Variants in TTC29 observed in about 807,000 individuals in gnomAD.
TTC29 encodes tetratricopeptide repeat protein 29.
TTC29 carries 49 observed loss-of-function variants against 58.1 expected under a neutral mutation model. That is an observed-to-expected ratio of 0.84 (90% confidence interval 0.67 to 1.07). The LOEUF is 1.07. TTC29 is among the 50% of genes least tolerant of loss of function. The pLI, the probability that TTC29 is intolerant of heterozygous loss-of-function variation, is 0.00. For missense variants in TTC29, 582 were observed against 555.6 expected (o/e 1.05, Z -0.48); for synonymous variants, 209 against 196.8 (o/e 1.06, Z -0.52).
At chr4:146,931,276 C>T (rs571482348) in intron 4 of TTC29, among the ~76,000 whole-genome samples, 3 of 151,722 alleles carry the variant, frequency 2.0e-5, no homozygotes, top group African/African-American at 4.8e-5. Flanking sequence ...ATACTTAGTA[C>T]GAAGCAAAAG....
In TTC29 at chr4:146,897,314, G is replaced by A. The variant is rs1357201145; in HGVS notation, c.586+6230C>T. ...CAGCTTCTCAGAAAAGAAGATGGACGCTAGCAAAGCTCCATAGAAACTAGT... is the reference window on the plus strand; with the variant it reads ...CAGCTTCTCAGAAAAGAAGATGGACACTAGCAAAGCTCCATAGAAACTAGT... On this transcript the variant is annotated intron_variant, in intron 6 of 12. Coordinates refer to ENST00000325106, the MANE Select transcript of TTC29 (RefSeq NM_031956.4). Among the ~76,000 whole-genome samples the A allele has an allele frequency of 3.3e-5, 5 of 152,126 alleles. No homozygotes were observed. In the East Asian group the frequency reaches 5.8e-4, roughly 18 times the overall value.
chr4:146,904,595 C>T (rs962904804), intron 5 of TTC29, among the ~76,000 whole-genome samples: 7 of 152,090 alleles, frequency 4.6e-5, no homozygotes, highest in Non-Finnish European at 1.0e-4. Context: ...TGAATATGAA[C>T]AAATTCATAA....
At chr4:146,797,832 T>TATATATA (rs1749928101) in intron 11 of TTC29, among the ~76,000 whole-genome samples, 1 of 130,036 alleles carries the variant, frequency 7.7e-6, no homozygotes, top group African/African-American at 2.9e-5. Flanking sequence ...TTACTTTGTT[T>TATATATA]TATATATATA....
chr4:146,728,116 G>A (rs1051285261), intron 11 of TTC29, among the ~76,000 whole-genome samples: 4 of 151,778 alleles, frequency 2.6e-5, no homozygotes, highest in Admixed American at 2.6e-4. Context: ...GCAAAACCCT[G>A]TCTCTACTAA....
chr4:146,849,799 C>A (rs1274863368), intron 8 of TTC29, among the ~76,000 whole-genome samples: 1 of 152,150 alleles, frequency 6.6e-6, no homozygotes, highest in Non-Finnish European at 1.5e-5. Context: ...CACACTGCCA[C>A]CTTAAGGCTT....
chr4:146,737,929 C>A (rs1477413988), intron 11 of TTC29, among the ~76,000 whole-genome samples: 1 of 152,118 alleles, frequency 6.6e-6, no homozygotes, highest in African/African-American at 2.4e-5. Context: ...GAAACTGTCC[C>A]TATGTTTTTA....
Position 146,708,308 on chromosome 4 carries a change from TTATATATATA to T in TTC29, c.1331-767_1331-758del, listed in dbSNP as rs59963230. 1.2e-3 allele frequency among the ~76,000 whole-genome samples: 73 copies of T among 62,196 alleles called. 1 individual carries two copies. Among genetic ancestry groups the T allele is most frequent in the African/African-American group, 3.8e-3 (41 of 10,772 alleles). 40.8% of individuals were successfully genotyped at this position (62,196 alleles called of 152,430 possible). A position where few individuals can be genotyped will look rare whatever the true frequency, so the allele number is the denominator to read the frequency against. ...AATAATGAAGTCAAATATGGGAAGT[TTATATATATA>T]TATATATATATATATATATATATAT... On this transcript the variant is annotated intron_variant, in intron 11 of 12. Coordinates refer to ENST00000325106, the MANE Select transcript of TTC29 (RefSeq NM_031956.4).
chr4:146,756,366 C>G (rs17021909), intron 11 of TTC29, among the ~76,000 whole-genome samples: 11,814 of 151,850 alleles, frequency 0.078, 576 homozygotes, highest in Admixed American at 0.13. Flanking sequence ...GCATTACATC[C>G]ATGAAGTTCA....
intron 6 of TTC29, among the ~76,000 whole-genome samples, chr4:146,876,553 G>A (rs560863569): frequency 6.6e-6 from 1 of 152,262 alleles, no homozygotes; most frequent in South Asian, 2.1e-4. Context: ...ACCAGAATGA[G>A]TATTAAAGAA....
At chr4:146,872,533 A>C (rs145892232) in intron 7 of TTC29, among the ~76,000 whole-genome samples, 4,710 of 152,136 alleles carry the variant, frequency 0.031, 133 homozygotes, top group Middle Eastern at 0.054. Context: ...AATTCTTAAA[A>C]CTCAATAATA....
At chr4:146,858,030 ATAC>A (rs1340804340) in intron 8 of TTC29, among the ~76,000 whole-genome samples, 1 of 152,222 alleles carries the variant, frequency 6.6e-6, no homozygotes, top group Non-Finnish European at 1.5e-5. Context: ...TGCTCAATAA[ATAC>A]TACCTACTAC....
chr4:146,792,844 T>G (rs1409725146), intron 11 of TTC29, among the ~76,000 whole-genome samples: 1 of 152,186 alleles, frequency 6.6e-6, no homozygotes, highest in African/African-American at 2.4e-5. Flanking sequence ...GTGGTCAAAA[T>G]ATATCAATAG....
At chr4:146,728,781 A>ATG (rs58628682) in intron 11 of TTC29, among the ~76,000 whole-genome samples, 11,008 of 98,044 alleles carry the variant, frequency 0.11, 1,170 homozygotes, top group Non-Finnish European at 0.16. Flanking sequence ...ACACATATAT[A>ATG]TGTGTATATA....
chr4:146,707,504 G>A lies in TTC29; in HGVS notation c.1378C>T (p.Arg460Cys), dbSNP rs201238305. ...TCATACCTACTGAGTTCTTCCAAAC[G>A]TTCTGAGTTTTGAGATACAGCTTCC... is the stretch of plus-strand genomic sequence containing the variant. Reference protein sequence around the residue: ...TVEAVSQNSERLEELSRFPGD... With the variant: ...TVEAVSQNSECLEELSRFPGD... Residue 460 changes from arginine to cysteine, a missense_variant, in exon 12 of 13, where the codon CGT (arginine) becomes TGT (cysteine). Arg to Cys is a radical substitution (Grantham distance 180). Coordinates refer to ENST00000325106, the MANE Select transcript of TTC29 (RefSeq NM_031956.4). The A allele has an allele frequency of 1.4e-4, 225 of 1,609,940 alleles. No homozygotes were observed. The highest frequency in any genetic ancestry group is 9.2e-4 in the African/African-American group (69 of 74,872).
At chr4:146,808,115 A>G (rs1254245579) in intron 10 of TTC29, among the ~76,000 whole-genome samples, 2 of 152,240 alleles carry the variant, frequency 1.3e-5, no homozygotes, top group Non-Finnish European at 2.9e-5. Context: ...AATCTCTCAC[A>G]TAAACAGAAC....
chr4:146,716,612 A>G (rs980727604), intron 11 of TTC29, among the ~76,000 whole-genome samples: 4 of 152,106 alleles, frequency 2.6e-5, no homozygotes, highest in Non-Finnish European at 5.9e-5. Flanking sequence ...TTTTCGTAAA[A>G]ATTGAGTTTT....
chr4:146,749,412 G>A (rs541246802), intron 11 of TTC29, among the ~76,000 whole-genome samples: 2 of 152,048 alleles, frequency 1.3e-5, no homozygotes, highest in Non-Finnish European at 2.9e-5. Context: ...CAGCAGGCTA[G>A]ATCAAGGAGA....
chr4:146,713,458 TTTG>T (rs1742678453), intron 11 of TTC29, among the ~76,000 whole-genome samples: 1 of 152,124 alleles, frequency 6.6e-6, no homozygotes, highest in Non-Finnish European at 1.5e-5. Context: ...TTTTCTACAT[TTTG>T]TTGTTAACAA....
chr4:146,929,006 AG>A (rs1285967267), intron 4 of TTC29, among the ~76,000 whole-genome samples: 1 of 152,198 alleles, frequency 6.6e-6, no homozygotes, highest in Non-Finnish European at 1.5e-5. Context: ...AAAGCATAAA[AG>A]AGATTTGGAA....
Sources: allele counts gnomAD v4.1 joint callset (sites outside exome capture counted in the v4.1 genomes callset), GRCh38; gene constraint gnomAD v4.1.1; transcripts MANE v1.5; gene names NCBI Gene and HGNC (gene_info 2026-07-23, HGNC 2026-07-21).